The following BAZ2B variants were observed in gnomAD, a reference collection of about 807,000 sequenced individuals.
The protein encoded by BAZ2B is bromodomain adjacent to zinc finger domain protein 2B.
Under a neutral mutation model 246.0 loss-of-function variants are expected in BAZ2B, and 91 were observed. The observed-to-expected ratio is 0.37, with a 90% CI of 0.31 to 0.44. BAZ2B has a LOEUF of 0.44. Ranked by LOEUF, BAZ2B falls within the 20% of genes least tolerant of loss-of-function variation. The pLI is 1.00. For synonymous variants in BAZ2B, 855 were observed against 860.0 expected (o/e 0.99, Z 0.10); for missense variants, 2,332 against 2,533.7 (o/e 0.92, Z 1.71).
chr2:159,429,750 T>C, intron 10 of BAZ2B, among the ~76,000 whole-genome samples: 1 of 152,092 alleles, frequency 6.6e-6, no homozygotes, highest in East Asian at 1.9e-4. Context: ...AGGAACAGGA[T>C]TATGATTTTA....
intron 1 of BAZ2B, among the ~76,000 whole-genome samples, chr2:159,564,662 A>G (rs577846963): frequency 3.3e-5 from 5 of 152,334 alleles, no homozygotes; most frequent in African/African-American, 1.2e-4. Context: ...GGTAAATGAC[A>G]TTGCCAAATT....
chr2:159,500,278 C>G (rs371393282), intron 2 of BAZ2B, among the ~76,000 whole-genome samples: 10 of 152,252 alleles, frequency 6.6e-5, no homozygotes, highest in African/African-American at 2.4e-4. Context: ...ATAGGGAGTC[C>G]TTTTCCCATT....
chr2:159,617,418 A>C (rs1559917881), upstream of BAZ2B, among the ~76,000 whole-genome samples: 1 of 152,042 alleles, frequency 6.6e-6, no homozygotes, highest in Non-Finnish European at 1.5e-5. Flanking sequence ...TCCTAAAAAC[A>C]ATTTTTTTAA....
downstream of BAZ2B, among the ~76,000 whole-genome samples, chr2:159,317,684 G>T (rs182933002): frequency 1.3e-5 from 2 of 152,206 alleles, no homozygotes; most frequent in Admixed American, 1.3e-4. Flanking sequence ...TCAGGTGAAA[G>T]CCTAATTTAT....
At chr2:159,457,583 A>C (rs1577258274) in intron 3 of BAZ2B, among the ~76,000 whole-genome samples, 1 of 152,206 alleles carries the variant, frequency 6.6e-6, no homozygotes, top group African/African-American at 2.4e-5. Context: ...GTTAACATTA[A>C]CACTGGCCCT....
intron 14 of BAZ2B, 48 bp from the exon 15 acceptor site, chr2:159,405,162 C>T (rs778560061): frequency 1.3e-6 from 2 of 1,490,132 alleles, no homozygotes; most frequent in East Asian, 4.5e-5. Context: ...TGTGTAACTA[C>T]TAACCAAAAA....
At chr2:159,542,275 T>C (rs990622121) in intron 2 of BAZ2B, among the ~76,000 whole-genome samples, 10 of 152,112 alleles carry the variant, frequency 6.6e-5, no homozygotes, top group South Asian at 4.2e-4. Flanking sequence ...TTTGAAAAAA[T>C]AGTGGATGGA....
intron 1 of BAZ2B, among the ~76,000 whole-genome samples, chr2:159,579,747 T>C (rs1686272576): frequency 6.6e-6 from 1 of 152,210 alleles, no homozygotes. Flanking sequence ...ATCCCTGGGA[T>C]GCAAGGCTGG....
intron 10 of BAZ2B, 116 bp downstream of exon 10, chr2:159,430,747 A>C (rs2070946597): frequency 4.8e-6 from 7 of 1,470,292 alleles, no homozygotes; most frequent in Non-Finnish European, 5.4e-6. Flanking sequence ...TAGCCAACCT[A>C]AAATCTAACT....
the BAZ2B span, among the ~76,000 whole-genome samples, chr2:159,639,379 A>G: frequency 6.6e-6 from 1 of 152,292 alleles, no homozygotes; most frequent in African/African-American, 2.4e-5. Context: ...AGCACATAAA[A>G]AAACCCAGGA....
intron 26 of BAZ2B, 40 bp downstream of exon 26, chr2:159,374,651 C>T (rs1219272195): frequency 6.5e-7 from 1 of 1,548,010 alleles, no homozygotes. Flanking sequence ...ATTTCTAAAA[C>T]ACTGTGAAGA....
the BAZ2B span, among the ~76,000 whole-genome samples, chr2:159,650,720 C>T: frequency 1.8e-4 from 27 of 152,250 alleles, no homozygotes; most frequent in African/African-American, 6.3e-4. Flanking sequence ...ATCTAGTGAC[C>T]TTGGTCTCTA....
chr2:159,675,289 TA>T, the BAZ2B span, among the ~76,000 whole-genome samples: 130 of 144,928 alleles, frequency 9.0e-4, 1 homozygote, highest in East Asian at 2.2e-3. Context: ...CTTCTTCAGT[TA>T]AAAAAAAAAA....
At chr2:159,361,305 C>A (rs1288184682) in intron 27 of BAZ2B, among the ~76,000 whole-genome samples, 1 of 152,186 alleles carries the variant, frequency 6.6e-6, no homozygotes, top group Admixed American at 6.5e-5. Flanking sequence ...TGAATAGACA[C>A]TTCTCAAAAG....
At chr2:159,447,142 T>C (rs2074367645) in intron 5 of BAZ2B, among the ~76,000 whole-genome samples, 167 bp from the exon 6 acceptor site, 1 of 152,154 alleles carries the variant, frequency 6.6e-6, no homozygotes, top group Non-Finnish European at 1.5e-5. Context: ...TCAGAGCAGG[T>C]AAACCTACAG....
intron 13 of BAZ2B, among the ~76,000 whole-genome samples, chr2:159,417,988 T>C (rs1197978347): frequency 1.3e-5 from 2 of 152,168 alleles, no homozygotes; most frequent in Non-Finnish European, 2.9e-5. Flanking sequence ...ATTAGTCTTT[T>C]GGGAGAGAGA....
chr2:159,403,247 T>G (rs1362468559), intron 16 of BAZ2B, among the ~76,000 whole-genome samples: 1 of 152,190 alleles, frequency 6.6e-6, no homozygotes, highest in Admixed American at 6.5e-5. Flanking sequence ...TTCACTTTGT[T>G]GAATCAAATA....
chr2:159,701,663 A>G, the BAZ2B span, among the ~76,000 whole-genome samples: 2 of 147,828 alleles, frequency 1.4e-5, no homozygotes, highest in African/African-American at 4.9e-5. Context: ...TTTATAATAC[A>G]TATTTTATAT....
At chr2:159,348,475 G>T (rs2058211307) in intron 30 of BAZ2B, among the ~76,000 whole-genome samples, 1 of 151,872 alleles carries the variant, frequency 6.6e-6, no homozygotes, top group African/African-American at 2.4e-5. Flanking sequence ...ATTTAGGGAA[G>T]AATGATAAGA....
Sources: gnomAD v4.1 joint callset for allele counts (sites outside exome capture counted in the v4.1 genomes callset) on GRCh38, gnomAD v4.1.1 for gene constraint, MANE v1.5 for transcripts, NCBI Gene and HGNC (gene_info 2026-07-23, HGNC 2026-07-21) for gene names.